RBM17: variants seen among roughly 807,000 people sequenced by gnomAD.
RBM17 encodes RNA binding motif protein 17.
Under a neutral mutation model 53.2 loss-of-function variants are expected in RBM17, and 7 were observed. The observed-to-expected ratio is 0.13, with a 90% CI of 0.07 to 0.25. RBM17 has a LOEUF of 0.25. Among genes scored for constraint, RBM17 ranks in the 10% least tolerant of loss-of-function variants. The probability of loss-of-function intolerance (pLI) is 1.00; values close to 1 mark genes in which losing one functional copy is unlikely to be tolerated. For missense variants in RBM17, 257 were observed against 496.7 expected (o/e 0.52, Z 4.59); for synonymous variants, 167 against 178.1 (o/e 0.94, Z 0.50).
rs571517097 is a variant in RBM17, at chr10:6,114,670, A to G, written c.1029+523A>G. 8.6e-4 allele frequency: 135 copies of G among 157,500 alleles called. 1 individual carries two copies. The South Asian group carries it at 0.025, about 29-fold the overall frequency. 9.8% of individuals were successfully genotyped at this position (157,500 alleles called of 1,614,324 possible). ...AATAGACTGCCTTGTGAGCAATAGC[A>G]GATATGGGCTGCGCTTTGAAACGAA... On this transcript the variant is annotated intron_variant, in intron 10 of 11. Transcript: ENST00000379888.
At position 6,117,139 on chromosome 10, in the gene RBM17, C is replaced by G. The variant is rs1840932816; in HGVS notation, c.*1583C>G. On this transcript the variant is annotated 3_prime_UTR_variant, in exon 12 of 12. Coordinates refer to ENST00000379888, the MANE Select transcript of RBM17 (RefSeq NM_032905.5). ...TATGCTTTGTAAAACATTGTTTGCA[C>G]CTAAATGGGTGGCTTTTCCTAACAT... 1 of 152,308 alleles carries G rather than the reference C, an allele frequency of 6.6e-6. No individual in the cohort carries two copies. Among genetic ancestry groups the G allele is most frequent in the East Asian group, 1.9e-4 (1 of 5,334 alleles). The allele number at this position is 152,308 out of a possible 1,614,324, so 9.4% of individuals were successfully genotyped here. A position where few individuals can be genotyped will look rare whatever the true frequency, so the allele number is the denominator to read the frequency against.
chr10:6,112,394 A>T lies in RBM17; in HGVS notation c.856+33A>T. On this transcript the variant is annotated intron_variant, in intron 8 of 11. Coordinates refer to ENST00000379888, the MANE Select transcript of RBM17 (RefSeq NM_032905.5). This position sits in a 1 kb window ranked among gnomAD's most constrained non-coding sequence, Gnocchi z 4.4. ...CCCAGGGAAGCGTGTGACTAGAGGG[A>T]AAGGACTGGCCCCATCCATATCAGA... 6.2e-7 allele frequency: 1 copy of T among 1,612,430 alleles called. No individual in the cohort carries two copies. Among genetic ancestry groups the T allele is most frequent in the Non-Finnish European group, 8.5e-7 (1 of 1,179,218 alleles).
At chr10:6,091,914 A>T (rs951859802) in intron 1 of RBM17, among the ~76,000 whole-genome samples, 1 of 152,144 alleles carries the variant, frequency 6.6e-6, no homozygotes, top group African/African-American at 2.4e-5. Flanking sequence ...CACTTGAAAG[A>T]TAAGTAGGTG....
chr10:6,101,849 T>C (rs1026249291), intron 3 of RBM17, among the ~76,000 whole-genome samples: 5 of 152,228 alleles, frequency 3.3e-5, no homozygotes, highest in African/African-American at 1.2e-4. Context: ...TTTTTTGCTA[T>C]CATAAACAGT....
intron 3 of RBM17, among the ~76,000 whole-genome samples, chr10:6,103,655 T>G (rs1840702431): frequency 2.0e-5 from 3 of 152,342 alleles, no homozygotes; most frequent in Admixed American, 6.5e-5. Context: ...GGGAGGTGAT[T>G]ATAGTTATTT....
At chr10:6,094,062 C>T (rs868154665) in intron 1 of RBM17, among the ~76,000 whole-genome samples, 1 of 150,680 alleles carries the variant, frequency 6.6e-6, no homozygotes, top group African/African-American at 2.4e-5. Context: ...GCAAGCTCTG[C>T]CTTCTGGGTT....
chr10:6,113,935 T>G (rs1011729905), intron 9 of RBM17, 114 bp from the exon 10 acceptor site: 3 of 688,568 alleles, frequency 4.4e-6, no homozygotes, highest in African/African-American at 1.8e-5. Context: ...AAATTTTTCA[T>G]TATGTCGTTT....
At position 6,104,920 on chromosome 10, in the gene RBM17, A is replaced by C; in HGVS notation, c.241-11A>C. The C allele has an allele frequency of 6.2e-7, 1 of 1,611,848 alleles. No individual in the cohort carries two copies. Among genetic ancestry groups the C allele is most frequent in the Non-Finnish European group, 8.5e-7 (1 of 1,178,592 alleles). On this transcript the variant is annotated splice_polypyrimidine_tract_variant and intron_variant, in intron 3 of 11. Coordinates refer to ENST00000379888, the MANE Select transcript of RBM17 (RefSeq NM_032905.5). Reference sequence around the variant, plus strand: ...AAAGAGGATTCTTACTGCTGTTTTTACCTTCCTCAGGATCCTGTTCCCAGT... The same window carrying C: ...AAAGAGGATTCTTACTGCTGTTTTTCCCTTCCTCAGGATCCTGTTCCCAGT...
chr10:6,090,974 G>A (rs1840472706), intron 1 of RBM17, among the ~76,000 whole-genome samples: 1 of 146,296 alleles, frequency 6.8e-6, no homozygotes, highest in Admixed American at 6.9e-5. Context: ...TCCTTTCTGG[G>A]TATATTTGCC....
intron 1 of RBM17, among the ~76,000 whole-genome samples, chr10:6,094,165 A>G (rs146364191): frequency 7.6e-4 from 116 of 151,966 alleles, no homozygotes; most frequent in Middle Eastern, 3.4e-3. Flanking sequence ...TTTTTAGTAG[A>G]GACGGGGTTT....
intron 4 of RBM17, 64 bp downstream of exon 4, chr10:6,105,161 T>TG (rs1840729762): frequency 6.9e-7 from 1 of 1,455,924 alleles, no homozygotes. Context: ...TGTTAACGAA[T>TG]GAGCGTCGCT....
intron 2 of RBM17, among the ~76,000 whole-genome samples, chr10:6,100,426 C>G (rs766832958): frequency 6.6e-5 from 10 of 152,268 alleles, no homozygotes; most frequent in Middle Eastern, 3.4e-3. Context: ...ACCCTGAATT[C>G]GATCAGGCCT....
At chr10:6,111,763 C>G (rs1840841786) in intron 7 of RBM17, among the ~76,000 whole-genome samples, 1 of 152,184 alleles carries the variant, frequency 6.6e-6, no homozygotes, top group Admixed American at 6.5e-5. Flanking sequence ...AGGGTTCTTT[C>G]ATTTGTATAG....
At position 6,112,490 on chromosome 10, in the gene RBM17, C is replaced by A; in HGVS notation, c.856+129C>A. The A allele has an allele frequency of 2.7e-6, 3 of 1,131,264 alleles. No homozygotes were observed. Among genetic ancestry groups the A allele is most frequent in the Non-Finnish European group, 3.9e-6 (3 of 767,856 alleles). 70.1% of individuals were successfully genotyped at this position (1,131,264 alleles called of 1,614,324 possible). A position where few individuals can be genotyped will look rare whatever the true frequency, so the allele number is the denominator to read the frequency against. On this transcript the variant is annotated intron_variant, in intron 8 of 11. Coordinates refer to ENST00000379888, the MANE Select transcript of RBM17 (RefSeq NM_032905.5). This position sits in a 1 kb window ranked among gnomAD's most constrained non-coding sequence, Gnocchi z 4.4. ...CGTGTGGCCAGAGGGAGAGGGCTGG[C>A]CCTGCCATCACTAGAACACAGGCCG... is the stretch of plus-strand genomic sequence containing the variant.
chr10:6,092,736 T>C (rs1221196573), intron 1 of RBM17, among the ~76,000 whole-genome samples: 1 of 152,272 alleles, frequency 6.6e-6, no homozygotes, highest in Non-Finnish European at 1.5e-5. Context: ...GAAAGCACTT[T>C]TGCATTTGCT....
At chr10:6,091,929 G>A (rs1284259567) in intron 1 of RBM17, among the ~76,000 whole-genome samples, 7 of 152,142 alleles carry the variant, frequency 4.6e-5, no homozygotes, top group African/African-American at 1.7e-4. Flanking sequence ...TAGGTGGGGT[G>A]CTTCTGAGAA....
At chr10:6,100,042 C>CT (rs1840648492) in intron 2 of RBM17, among the ~76,000 whole-genome samples, 1 of 151,836 alleles carries the variant, frequency 6.6e-6, no homozygotes, top group African/African-American at 2.4e-5. Context: ...GAGCAAGACT[C>CT]CATCTCAAAA....
At chr10:6,091,462 G>A (rs1649398007) in intron 1 of RBM17, among the ~76,000 whole-genome samples, 2 of 152,176 alleles carry the variant, frequency 1.3e-5, no homozygotes, top group Non-Finnish European at 2.9e-5. Context: ...GCCTCTTTAG[G>A]TGCTCAGAAC....
chr10:6,115,556 A>AT lies in RBM17; in HGVS notation c.*4dup. Reference sequence around the variant, plus strand: ...TCTTGGATTTGGCAGAACAAGTTTGATTTTAAGAACTAGAGCACGAGTCAT... The same window carrying AT: ...TCTTGGATTTGGCAGAACAAGTTTGATTTTTAAGAACTAGAGCACGAGTCAT... On this transcript the variant is annotated 3_prime_UTR_variant, in exon 12 of 12. Coordinates refer to ENST00000379888, the MANE Select transcript of RBM17 (RefSeq NM_032905.5). The AT allele has an allele frequency of 1.3e-6, 2 of 1,589,120 alleles. No homozygotes were observed. Among genetic ancestry groups the AT allele is most frequent in the Non-Finnish European group, 1.7e-6 (2 of 1,157,824 alleles).
Sources: allele counts gnomAD v4.1 joint callset (sites outside exome capture counted in the v4.1 genomes callset), GRCh38; gene constraint gnomAD v4.1.1; non-coding constraint Gnocchi (gnomAD v3.1); transcripts MANE v1.5; gene names NCBI Gene and HGNC (gene_info 2026-07-23, HGNC 2026-07-21).